Variants in TRHDE observed in about 807,000 individuals in gnomAD.
TRHDE encodes thyrotropin releasing hormone degrading enzyme.
Under a neutral mutation model 125.7 loss-of-function variants are expected in TRHDE, and 72 were observed. The ratio of observed to expected loss-of-function variants is 0.57; its 90% CI spans 0.47 to 0.70. The LOEUF (loss-of-function observed/expected upper bound fraction) is 0.70, where lower values mean the gene tolerates loss of function less well. Among genes scored for constraint, TRHDE ranks in the 30% least tolerant of loss-of-function variants. The pLI, the probability that TRHDE is intolerant of heterozygous loss-of-function variation, is 0.00. For missense variants in TRHDE, 1,110 were observed against 1,327.1 expected (o/e 0.84, Z 2.54); for synonymous variants, 509 against 509.1 (o/e 1.00, Z 0.00).
intron 12 of TRHDE, among the ~76,000 whole-genome samples, chr12:72,592,050 G>A (rs1871709112): frequency 6.6e-6 from 1 of 151,476 alleles, no homozygotes; most frequent in Non-Finnish European, 1.5e-5. Context: ...AAAAAGCTTG[G>A]CTTTTAATTG....
intron 5 of TRHDE, among the ~76,000 whole-genome samples, chr12:72,496,105 A>C (rs1877903261): frequency 6.6e-6 from 1 of 152,182 alleles, no homozygotes; most frequent in Non-Finnish European, 1.5e-5. Context: ...TGGCCTTAAA[A>C]TATGATATAA....
Position 72,293,031 on chromosome 12 carries a change from G to A in TRHDE, c.1188+6077G>A, listed in dbSNP as rs184942902. Reference sequence around the variant, plus strand: ...ATTGGGGTTAACTTGATCGCTGGGGGCAAGAATCTTCTGACTGCATCTTTA... The same window carrying A: ...ATTGGGGTTAACTTGATCGCTGGGGACAAGAATCTTCTGACTGCATCTTTA... On this transcript the variant is annotated intron_variant, in intron 2 of 18. Transcript: ENST00000261180. 8.8e-4 allele frequency among the ~76,000 whole-genome samples: 134 copies of A among 152,178 alleles called. 1 individual carries two copies. The highest frequency in any genetic ancestry group is 3.1e-3 in the Admixed American group (47 of 15,282).
At chr12:72,094,144 T>C (rs938501731) in intron 1 of TRHDE, among the ~76,000 whole-genome samples, 5 of 152,200 alleles carry the variant, frequency 3.3e-5, no homozygotes, top group Admixed American at 1.3e-4. Context: ...GGTCCTTGGG[T>C]GAACCAGACT....
At chr12:72,246,340 T>G (rs79395925) in intron 2 of TRHDE, among the ~76,000 whole-genome samples, 4,105 of 152,294 alleles carry the variant, frequency 0.027, 99 homozygotes, top group Non-Finnish European at 0.037. Context: ...GATGCATTAT[T>G]CTGTGAGAAG....
At chr12:72,229,930 G>A (rs1008894548) in intron 2 of TRHDE, among the ~76,000 whole-genome samples, 2 of 152,140 alleles carry the variant, frequency 1.3e-5, no homozygotes, top group African/African-American at 4.8e-5. Flanking sequence ...CTTCTCAAAT[G>A]TGATAACAGT....
chr12:72,265,314 C>T (rs564121769), intron 2 of TRHDE, among the ~76,000 whole-genome samples: 93 of 152,016 alleles, frequency 6.1e-4, no homozygotes, highest in African/African-American at 2.1e-3. Flanking sequence ...TTTCACCTAA[C>T]TTTCAAGGCA....
chr12:72,448,648 G>C (rs1375785710), intron 3 of TRHDE, among the ~76,000 whole-genome samples: 1 of 151,610 alleles, frequency 6.6e-6, no homozygotes. Flanking sequence ...GTGACATTAA[G>C]AATTACAACT....
chr12:72,286,846 A>G lies in TRHDE; in HGVS notation c.1080A>G (p.Gly360=). 1 of 1,613,878 alleles carries G rather than the reference A, an allele frequency of 6.2e-7. No homozygotes were observed. The highest frequency in any genetic ancestry group is 8.5e-7 in the Non-Finnish European group (1 of 1,179,970). Residue 360 remains glycine (G), a synonymous_variant, in exon 2 of 19, where the codon GGA becomes GGG. Transcript: ENST00000261180. ...PVETSVFEED[G]WVTDHFSQTP... ...AAACTTCCGTGTTTGAGGAAGATGG[A>G]TGGGTTACGGATCACTTTTCACAGA... is the stretch of plus-strand genomic sequence containing the variant.
intron 12 of TRHDE, among the ~76,000 whole-genome samples, chr12:72,581,804 C>T (rs1871240400): frequency 6.6e-6 from 1 of 152,014 alleles, no homozygotes; most frequent in South Asian, 2.1e-4. Context: ...GTTTGTCCCT[C>T]TTAGAAGTGC....
chr12:72,639,641 T>G (rs1402303380), intron 15 of TRHDE, among the ~76,000 whole-genome samples: 1 of 151,926 alleles, frequency 6.6e-6, no homozygotes, highest in African/African-American at 2.4e-5. Flanking sequence ...TTTTATCTAC[T>G]TTTGGTCTTT....
chr12:72,641,759 T>C (rs1874071514), intron 15 of TRHDE, among the ~76,000 whole-genome samples: 1 of 152,220 alleles, frequency 6.6e-6, no homozygotes, highest in Non-Finnish European at 1.5e-5. Context: ...TTCATTTCAC[T>C]GTTTTTCATT....
chr12:72,660,988 T>C (rs549408891), intron 18 of TRHDE, among the ~76,000 whole-genome samples: 2 of 152,142 alleles, frequency 1.3e-5, no homozygotes, highest in South Asian at 2.1e-4. Context: ...TGGAGAATTA[T>C]GGGGCATAAG....
chr12:72,485,003 G>T (rs551129749), intron 5 of TRHDE, among the ~76,000 whole-genome samples: 1 of 152,238 alleles, frequency 6.6e-6, no homozygotes, highest in African/African-American at 2.4e-5. Context: ...CCTGAGTTGG[G>T]ATCAACTCAG....
At chr12:72,379,950 A>G (rs950385739) in intron 3 of TRHDE, among the ~76,000 whole-genome samples, 4 of 152,188 alleles carry the variant, frequency 2.6e-5, no homozygotes, top group African/African-American at 9.7e-5. Flanking sequence ...ATGGATTTAT[A>G]AATATGCTTT....
chr12:72,180,188 A>G (rs1168962510), intron 2 of TRHDE, among the ~76,000 whole-genome samples: 1 of 152,050 alleles, frequency 6.6e-6, no homozygotes, highest in Non-Finnish European at 1.5e-5. Flanking sequence ...TTTAAAAAAA[A>G]GTTATGTTTT....
At chr12:72,127,645 A>T (rs1021267549) in intron 2 of TRHDE, among the ~76,000 whole-genome samples, 1 of 152,206 alleles carries the variant, frequency 6.6e-6, no homozygotes, top group Non-Finnish European at 1.5e-5. Context: ...ACTCATGGAC[A>T]TAAAGATGGC....
chr12:72,135,891 C>T (rs534961489), intron 2 of TRHDE, among the ~76,000 whole-genome samples: 36 of 151,966 alleles, frequency 2.4e-4, no homozygotes, highest in African/African-American at 8.7e-4. Context: ...GTACTGACAT[C>T]ACGGTACTGG....
At chr12:72,632,024 C>T (rs1197263099) in intron 15 of TRHDE, among the ~76,000 whole-genome samples, 1 of 151,792 alleles carries the variant, frequency 6.6e-6, no homozygotes, top group Non-Finnish European at 1.5e-5. Flanking sequence ...GTGAAGAATA[C>T]AAAAGATGAT....
intron 2 of TRHDE, among the ~76,000 whole-genome samples, chr12:72,222,409 C>T (rs1486550704): frequency 6.6e-6 from 1 of 152,110 alleles, no homozygotes; most frequent in Non-Finnish European, 1.5e-5. Context: ...CTCCTCATCT[C>T]TCTGCACTGA....
Sources: allele counts gnomAD v4.1 joint callset (sites outside exome capture counted in the v4.1 genomes callset), GRCh38; gene constraint gnomAD v4.1.1; transcripts MANE v1.5; gene names NCBI Gene and HGNC (gene_info 2026-07-23, HGNC 2026-07-21).